The following AKAP8L variants were observed in gnomAD, a reference collection of about 807,000 sequenced individuals.
The protein encoded by AKAP8L is A-kinase anchoring protein 8 like, also known as A-kinase anchor protein 8-like.
A neutral mutation model predicts 77.5 loss-of-function variants in AKAP8L; 34 were observed. The ratio of observed to expected loss-of-function variants is 0.44; its 90% CI spans 0.33 to 0.58. AKAP8L has a LOEUF of 0.58. Among genes scored for constraint, AKAP8L ranks in the 20% least tolerant of loss-of-function variants. The pLI is 0.02. For synonymous variants in AKAP8L, 342 were observed against 340.7 expected, an observed-to-expected ratio of 1.00 and a Z score of -0.04; for missense variants, 806 against 887.6, an observed-to-expected ratio of 0.91 and a Z score of 1.17.
rs769309592 is a variant in AKAP8L, at chr19:15,397,762, A to G, written c.1251T>C (p.Phe417=). ...TAGGGAGCTTGGTGCCTACGTACTT[A>G]AAGTGTTCCTTGTGGAACTTGCTGT... ...HLDSKFHKEH[F]KYVGTKLPKQ... Residue 417 remains phenylalanine, a synonymous_variant, in exon 10 of 14, where the codon TTT becomes TTC. Transcript: ENST00000397410. This position sits in a 1 kb window ranked among gnomAD's most constrained non-coding sequence, Gnocchi z 4.7. The G allele has an allele frequency of 6.2e-7, 1 of 1,614,004 alleles. No homozygotes were observed. The highest frequency in any genetic ancestry group is 8.5e-7 in the Non-Finnish European group (1 of 1,179,886).
At chr19:15,410,164 A>T (rs1968080503) in intron 2 of AKAP8L, among the ~76,000 whole-genome samples, 3 of 152,066 alleles carry the variant, frequency 2.0e-5, no homozygotes, top group Non-Finnish European at 4.4e-5. Context: ...GATGGTCTCG[A>T]TCTCCTGACC....
At chr19:15,387,567 C>T (rs1967565672) in intron 12 of AKAP8L, among the ~76,000 whole-genome samples, 1 of 151,934 alleles carries the variant, frequency 6.6e-6, no homozygotes, top group African/African-American at 2.4e-5. Flanking sequence ...ATTAGCTAAC[C>T]CATAGGCTAA....
chr19:15,380,784 T>A lies in AKAP8L; in HGVS notation c.1537-172A>T, dbSNP rs549222000. On this transcript the variant is annotated intron_variant, in intron 12 of 13. Coordinates refer to ENST00000397410, the MANE Select transcript of AKAP8L (RefSeq NM_014371.4). ...GGAACCACAACCTATCTGATCTTTG[T>A]TCAAATTCCCTCTCCTTCCACACCA... is the stretch of plus-strand genomic sequence containing the variant. 9.4e-5 allele frequency: 57 copies of A among 609,448 alleles called. No individual in the cohort carries two copies. In the African/African-American group the frequency reaches 9.8e-4, roughly 10 times the overall value. 37.8% of individuals were successfully genotyped at this position (609,448 alleles called of 1,614,324 possible). A position where few individuals can be genotyped will look rare whatever the true frequency, so the allele number is the denominator to read the frequency against.
In AKAP8L at chr19:15,411,376, G is replaced by A. The variant is rs533055795; in HGVS notation, c.14-782C>T. Among the ~76,000 whole-genome samples the A allele has an allele frequency of 3.9e-5, 6 of 152,030 alleles. No homozygotes were observed. In the East Asian group the frequency reaches 1.2e-3, roughly 29 times the overall value. On this transcript the variant is annotated intron_variant, in intron 1 of 13. Transcript: ENST00000397410. ...ATAACAATTATAACAATTATTTCTG[G>A]GCCGGGCAGTGGCTCATGCCTGTAA...
At chr19:15,383,143 G>A (rs886214439) in intron 12 of AKAP8L, 1 of 152,192 alleles carries the variant, frequency 6.6e-6, no homozygotes, top group African/African-American at 2.4e-5. Context: ...AATTATTTGT[G>A]ACTCAACTAC....
chr19:15,416,505 G>A (rs1482151932), intron 1 of AKAP8L, among the ~76,000 whole-genome samples: 1 of 152,218 alleles, frequency 6.6e-6, no homozygotes, highest in Non-Finnish European at 1.5e-5. Flanking sequence ...CCAGGCATGG[G>A]AGTTTAAGTC....
intron 12 of AKAP8L, among the ~76,000 whole-genome samples, chr19:15,392,404 G>C (rs1967681761): frequency 6.6e-6 from 1 of 152,090 alleles, no homozygotes; most frequent in African/African-American, 2.4e-5. Context: ...GCTGAGGTGG[G>C]AGGATTACCT....
Position 15,380,179 on chromosome 19 carries a change from G to A in AKAP8L, c.1884C>T (p.Arg628=), listed in dbSNP as rs1599580724. 6.6e-7 allele frequency: 1 copy of A among 1,505,210 alleles called. No individual in the cohort carries two copies. Among genetic ancestry groups the A allele is most frequent in the Non-Finnish European group, 8.8e-7 (1 of 1,135,640 alleles). The allele number at this position is 1,505,210 out of a possible 1,614,324, so 93.2% of individuals were successfully genotyped here. The change falls in exon 14 of 14, where the codon CGC becomes CGT. Residue 628 remains arginine, a synonymous_variant. Transcript: ENST00000397410. ...CCTCCACGTCGAGGCCCGGGATGCC[G>A]CGGATCTGGCGTTGCAGCGCCCCTC... The part of the protein sequence containing the change: ...LLGGALQRQI[R]GIPGLDVEDD...
rs11668672 is a variant in AKAP8L, at chr19:15,414,473, A to G, written c.14-3879T>C. ...GCCCTATAAAGCTAAATGTTAGATC[A>G]CAGATTTCTTTTTTTTTTTGTTTGT... On this transcript the variant is annotated intron_variant, in intron 1 of 13. Coordinates refer to ENST00000397410, the MANE Select transcript of AKAP8L (RefSeq NM_014371.4). 4.0e-5 allele frequency among the ~76,000 whole-genome samples: 6 copies of G among 151,566 alleles called. No individual in the cohort carries two copies. The South Asian group carries it at 1.3e-3, about 32-fold the overall frequency.
In AKAP8L at chr19:15,399,576, AG is replaced by A. The variant is rs1205342553; in HGVS notation, c.1049-167del. 1.6e-6 allele frequency: 1 copy of A among 636,368 alleles called. No individual in the cohort carries two copies. The highest frequency in any genetic ancestry group is 2.8e-6 in the Non-Finnish European group (1 of 353,836). 39.4% of individuals were successfully genotyped at this position (636,368 alleles called of 1,614,324 possible). On this transcript the variant is annotated intron_variant, in intron 8 of 13. Coordinates refer to ENST00000397410, the MANE Select transcript of AKAP8L (RefSeq NM_014371.4). This position sits in a 1 kb window ranked among gnomAD's most constrained non-coding sequence, Gnocchi z 6.1. ...CAGGGCTGGGTATCCTGGGCTGTGC[AG>A]GGAGTGGGTTTGGCCTAGGCCCCAA...
At position 15,393,504 on chromosome 19, in the gene AKAP8L, T is replaced by C. The variant is rs529967528; in HGVS notation, c.1536+3646A>G. Among the ~76,000 whole-genome samples the C allele has an allele frequency of 2.0e-5, 3 of 152,044 alleles. No individual in the cohort carries two copies. The East Asian group carries it at 5.8e-4, about 29-fold the overall frequency. On this transcript the variant is annotated intron_variant, in intron 12 of 13. Coordinates refer to ENST00000397410, the MANE Select transcript of AKAP8L (RefSeq NM_014371.4). ...TGCACAAAGAACTTGAATAGACATTTCTCCAAAGATACAAAAATGGCCAAC... is the reference window on the plus strand; with the variant it reads ...TGCACAAAGAACTTGAATAGACATTCCTCCAAAGATACAAAAATGGCCAAC...
intron 1 of AKAP8L, among the ~76,000 whole-genome samples, chr19:15,415,849 G>A (rs1464560974): frequency 6.6e-6 from 1 of 150,782 alleles, no homozygotes; most frequent in East Asian, 2.0e-4. Flanking sequence ...TGGCGCCACT[G>A]CACTCCAGCC....
intron 1 of AKAP8L, among the ~76,000 whole-genome samples, chr19:15,411,379 C>T (rs1277919172): frequency 6.6e-6 from 1 of 150,668 alleles, no homozygotes; most frequent in Non-Finnish European, 1.5e-5. Context: ...ATTTCTGGGC[C>T]GGGCAGTGGC....
chr19:15,411,089 C>T (rs567832898), intron 1 of AKAP8L, among the ~76,000 whole-genome samples: 33 of 152,266 alleles, frequency 2.2e-4, no homozygotes, highest in African/African-American at 7.9e-4. Flanking sequence ...GCTGGGATTA[C>T]AGGTGTGAGC....
chr19:15,397,392 TG>T lies in AKAP8L; in HGVS notation c.1406-113del. The T allele has an allele frequency of 6.7e-7, 1 of 1,503,002 alleles. No homozygotes were observed. The highest frequency in any genetic ancestry group is 9.1e-7 in the Non-Finnish European group (1 of 1,097,870). The allele number at this position is 1,503,002 out of a possible 1,614,324, so 93.1% of individuals were successfully genotyped here. A position where few individuals can be genotyped will look rare whatever the true frequency, so the allele number is the denominator to read the frequency against. On this transcript the variant is annotated intron_variant, in intron 11 of 13. Transcript: ENST00000397410. The surrounding 1 kb of genome is among the most constrained non-coding windows in gnomAD (Gnocchi z 4.7). The stretch of plus-strand genomic sequence containing the variant: ...CTCAACTCGCCCTGCCACTTCCACC[TG>T]GGCCTGAGCCAAGGCTGGTCTCCTG...
At chr19:15,407,540 G>A (rs1968024761) in intron 2 of AKAP8L, among the ~76,000 whole-genome samples, 1 of 152,146 alleles carries the variant, frequency 6.6e-6, no homozygotes, top group African/African-American at 2.4e-5. Flanking sequence ...TTATTACAAG[G>A]TCAATCTGTA....
Position 15,397,952 on chromosome 19 carries a change from T to G in AKAP8L, c.1158-97A>C. 1 of 1,468,786 alleles carries G rather than the reference T, an allele frequency of 6.8e-7. No individual in the cohort carries two copies. Among genetic ancestry groups the G allele is most frequent in the Non-Finnish European group, 9.2e-7 (1 of 1,085,028 alleles). 91.0% of individuals were successfully genotyped at this position (1,468,786 alleles called of 1,614,324 possible). The stretch of plus-strand genomic sequence containing the variant: ...CCAGACACAAGCCCTGAAACAGGCC[T>G]TGCTCACGGGCCTCTGAAGTACGGT... On this transcript the variant is annotated intron_variant, in intron 9 of 13. Coordinates refer to ENST00000397410, the MANE Select transcript of AKAP8L (RefSeq NM_014371.4). The surrounding 1 kb of genome is among the most constrained non-coding windows in gnomAD (Gnocchi z 4.7).
At chr19:15,415,213 C>T (rs1968182136) in intron 1 of AKAP8L, among the ~76,000 whole-genome samples, 1 of 152,098 alleles carries the variant, frequency 6.6e-6, no homozygotes, top group Non-Finnish European at 1.5e-5. Flanking sequence ...TTGGGAGGAT[C>T]ACTTGAGCCC....
In AKAP8L at chr19:15,403,704, A is replaced by G. The variant is rs1967944886; in HGVS notation, c.133T>C (p.Tyr45His). The change falls in exon 4 of 14, where the codon TAT becomes CAT. Residue 45 changes from tyrosine (Y) to histidine (H), a missense_variant. This residue lies in a region of AKAP8L where 580 missense variants were observed against 694.1 expected (regional missense o/e 0.84). Transcript: ENST00000397410. This position sits in a 1 kb window ranked among gnomAD's most constrained non-coding sequence, Gnocchi z 4.3. ...NSGTNRGYEG[Y>H]GYGYGYGQDN... ...TGGCCATAGCCATAGCCATAGCCAT[A>G]GCCCTCGTAGCCTGCAGTGAGGGAG... 1.9e-6 allele frequency: 3 copies of G among 1,580,390 alleles called. No individual in the cohort carries two copies. Among genetic ancestry groups the G allele is most frequent in the Non-Finnish European group, 2.6e-6 (3 of 1,162,738 alleles).
Sources: allele counts gnomAD v4.1 joint callset (sites outside exome capture counted in the v4.1 genomes callset), GRCh38; gene constraint gnomAD v4.1.1; regional missense constraint gnomAD v4.1.1; non-coding constraint Gnocchi (gnomAD v3.1); transcripts MANE v1.5; gene names NCBI Gene and HGNC (gene_info 2026-07-23, HGNC 2026-07-21).